FBXW8: variants seen among roughly 807,000 people sequenced by gnomAD.
FBXW8 encodes F-box/WD repeat-containing protein 8.
In FBXW8, 57 loss-of-function variants were observed where a neutral mutation model predicts 65.3. The observed-to-expected ratio is 0.87, with a 90% CI of 0.71 to 1.09. FBXW8 has a LOEUF of 1.09. Ranked by LOEUF, FBXW8 falls within the 50% of genes least tolerant of loss-of-function variation. The pLI is 0.00. For missense variants in FBXW8, 777 were observed against 814.8 expected, an observed-to-expected ratio of 0.95 and a Z score of 0.57; for synonymous variants, 308 against 330.2, an observed-to-expected ratio of 0.93 and a Z score of 0.73.
At chr12:117,017,885 C>A (rs534237552) in intron 8 of FBXW8, among the ~76,000 whole-genome samples, 1 of 152,264 alleles carries the variant, frequency 6.6e-6, no homozygotes, top group African/African-American at 2.4e-5. Context: ...TGTGACCCCC[C>A]AATTACAGAG....
intron 7 of FBXW8, among the ~76,000 whole-genome samples, chr12:116,994,342 A>G (rs145789472): frequency 3.3e-5 from 5 of 152,378 alleles, no homozygotes; most frequent in Non-Finnish European, 5.9e-5. Flanking sequence ...AAGTAAATAC[A>G]TAGACCAATG....
rs371359255 is a variant in FBXW8 at position 116,939,939 on chromosome 12, A to G, written c.424-5425A>G. Among the ~76,000 whole-genome samples the G allele has an allele frequency of 3.3e-5, 5 of 152,236 alleles. No individual in the cohort carries two copies. The East Asian group carries it at 5.8e-4, about 18-fold the overall frequency. ...CAGACAGCATCTGGGTGTCATGGGT[A>G]GGCTCAGCTGTGGACCAGACATGCC... is the stretch of plus-strand genomic sequence containing the variant. On this transcript the variant is annotated intron_variant, in intron 2 of 10. Coordinates refer to ENST00000652555, the MANE Select transcript of FBXW8 (RefSeq NM_153348.3).
At chr12:116,979,120 T>G (rs769479798) in intron 5 of FBXW8, 3 of 152,246 alleles carry the variant, frequency 2.0e-5, no homozygotes, top group South Asian at 2.1e-4. Context: ...TCTGTGCAAG[T>G]ACCATTAGAC....
chr12:116,923,881 C>T (rs1459066744), intron 1 of FBXW8, among the ~76,000 whole-genome samples: 2 of 152,084 alleles, frequency 1.3e-5, no homozygotes, highest in Admixed American at 6.6e-5. Flanking sequence ...CCACCAGGCC[C>T]GGCTAATTTT....
chr12:116,959,656 T>G (rs1883862221), intron 4 of FBXW8, among the ~76,000 whole-genome samples: 1 of 152,252 alleles, frequency 6.6e-6, no homozygotes, highest in Non-Finnish European at 1.5e-5. Flanking sequence ...TTCTAGTCCC[T>G]TAGTCCAATA....
At chr12:117,017,694 G>T (rs961749890) in intron 8 of FBXW8, among the ~76,000 whole-genome samples, 4 of 152,084 alleles carry the variant, frequency 2.6e-5, no homozygotes, top group African/African-American at 9.7e-5. Context: ...AGCCTACATT[G>T]TAATACCTTA....
chr12:116,970,754 TG>T (rs1242671568), intron 5 of FBXW8, among the ~76,000 whole-genome samples: 2 of 152,208 alleles, frequency 1.3e-5, no homozygotes, highest in African/African-American at 4.8e-5. Context: ...ATTCTTAACA[TG>T]TTAAAGCATT....
chr12:117,006,731 A>G (rs115003063), intron 7 of FBXW8, among the ~76,000 whole-genome samples: 4,101 of 152,354 alleles, frequency 0.027, 184 homozygotes, highest in African/African-American at 0.087. Flanking sequence ...GTCAGCTGGC[A>G]GCAGGCTGGG....
At chr12:116,946,683 C>G (rs1321316300) in intron 3 of FBXW8, among the ~76,000 whole-genome samples, 6 of 152,106 alleles carry the variant, frequency 3.9e-5, no homozygotes, top group African/African-American at 1.4e-4. Context: ...ACAGGTCACG[C>G]TGGCCCCACA....
chr12:116,964,702 C>A lies in FBXW8; in HGVS notation c.683C>A (p.Thr228Lys). ...SHDGVVIAGY[T>K]SGDVRVWDTR... ...AGTGTGTCGTTCTCTTCCAGATATA[C>A]ATCAGGGGATGTGAGAGTGTGGGAC... The change falls in exon 5 of 11, where the codon ACA becomes AAA. Residue 228 changes from threonine to lysine, a missense_variant. Transcript: ENST00000652555. The A allele has an allele frequency of 6.2e-7, 1 of 1,613,686 alleles. No homozygotes were observed. The highest frequency in any genetic ancestry group is 1.3e-5 in the African/African-American group (1 of 75,008).
Position 116,928,114 on chromosome 12 carries a change from G to A in FBXW8, c.410G>A (p.Gly137Glu). The change falls in exon 2 of 11, where the codon GGA becomes GAA. Residue 137 changes from glycine to glutamate, a missense_variant. Coordinates refer to ENST00000652555, the MANE Select transcript of FBXW8 (RefSeq NM_153348.3). ...IFQYLDRKEL[G>E]RCAQVSKTWK... is the part of the protein sequence containing the mutation. ...CAGTATCTGGACAGGAAAGAACTAG[G>A]AAGATGTGCACAGGTAAGGTGTCAC... 6.2e-7 allele frequency: 1 copy of A among 1,607,370 alleles called. No individual in the cohort carries two copies. Among genetic ancestry groups the A allele is most frequent in the Non-Finnish European group, 8.5e-7 (1 of 1,175,446 alleles).
intron 3 of FBXW8, 95 bp from the exon 4 acceptor site, chr12:116,949,523 A>G: frequency 9.8e-7 from 1 of 1,025,554 alleles, no homozygotes; most frequent in East Asian, 2.4e-5. Context: ...CATGCTGTAG[A>G]GAATTGCTGT....
chr12:116,935,720 G>T (rs999217414), intron 2 of FBXW8, among the ~76,000 whole-genome samples: 2 of 152,054 alleles, frequency 1.3e-5, no homozygotes, highest in African/African-American at 2.4e-5. Context: ...TCTTTATATT[G>T]TTCACTTTAC....
chr12:117,029,115 T>A lies in FBXW8; in HGVS notation c.*943T>A, dbSNP rs889523187. 1 of 152,140 alleles carries A rather than the reference T, an allele frequency of 6.6e-6. No homozygotes were observed. The highest frequency in any genetic ancestry group is 2.4e-5 in the African/African-American group (1 of 41,400). The allele number at this position is 152,140 out of a possible 1,614,324, so 9.4% of individuals were successfully genotyped here. A position where few individuals can be genotyped will look rare whatever the true frequency, so the allele number is the denominator to read the frequency against. ...AGTATCGCTAACAAGCTGGATCCAG[T>A]AGATGCGTATGGAATTTCAAATACA... On this transcript the variant is annotated 3_prime_UTR_variant, in exon 11 of 11. Coordinates refer to ENST00000652555, the MANE Select transcript of FBXW8 (RefSeq NM_153348.3).
intron 7 of FBXW8, among the ~76,000 whole-genome samples, chr12:116,989,381 A>C (rs761679033): frequency 6.6e-6 from 1 of 152,244 alleles, no homozygotes; most frequent in Non-Finnish European, 1.5e-5. Flanking sequence ...GCTACAATGC[A>C]TATTGCAGCT....
chr12:116,949,788 C>G lies in FBXW8; in HGVS notation c.677+82C>G. 3 of 1,264,324 alleles carry G rather than the reference C, an allele frequency of 2.4e-6. No individual in the cohort carries two copies. In the Admixed American group the frequency reaches 5.1e-5, roughly 21 times the overall value. The allele number at this position is 1,264,324 out of a possible 1,614,324, so 78.3% of individuals were successfully genotyped here. A position where few individuals can be genotyped will look rare whatever the true frequency, so the allele number is the denominator to read the frequency against. On this transcript the variant is annotated intron_variant, in intron 4 of 10. Transcript: ENST00000652555. ...ATACCACCCTCTGAGTACCAGTGACCTTAGCTTCCTTTGAGAGCATGTACC... is the reference window on the plus strand; with the variant it reads ...ATACCACCCTCTGAGTACCAGTGACGTTAGCTTCCTTTGAGAGCATGTACC...
chr12:116,974,842 G>A (rs907722293), intron 5 of FBXW8, among the ~76,000 whole-genome samples: 8 of 152,112 alleles, frequency 5.3e-5, no homozygotes, highest in African/African-American at 1.9e-4. Context: ...CAAGGGCTAG[G>A]GCAGATAAAT....
At position 116,993,657 on chromosome 12, in the gene FBXW8, A is replaced by G. The variant is rs147796737; in HGVS notation, c.1239+4788A>G. 8.3e-4 allele frequency among the ~76,000 whole-genome samples: 126 copies of G among 151,822 alleles called. 1 individual carries two copies. The highest frequency in any genetic ancestry group is 3.0e-3 in the African/African-American group (124 of 41,360). On this transcript the variant is annotated intron_variant, in intron 7 of 10. Coordinates refer to ENST00000652555, the MANE Select transcript of FBXW8 (RefSeq NM_153348.3). The stretch of plus-strand genomic sequence containing the variant: ...ATTCTGGATATTAGTCCTTTGTTGG[A>G]TATATAGTTTGCAAATATTTTCTCC...
intron 2 of FBXW8, among the ~76,000 whole-genome samples, chr12:116,929,569 T>C (rs963710167): frequency 1.3e-5 from 2 of 152,238 alleles, no homozygotes; most frequent in Admixed American, 6.5e-5. Flanking sequence ...CATTTTATTT[T>C]TTTAAATGGA....
Sources: allele counts gnomAD v4.1 joint callset (sites outside exome capture counted in the v4.1 genomes callset), GRCh38; gene constraint gnomAD v4.1.1; transcripts MANE v1.5; gene names NCBI Gene and HGNC (gene_info 2026-07-23, HGNC 2026-07-21).